Variants in PCDH9 observed in about 807,000 individuals in gnomAD.
The protein encoded by PCDH9 is protocadherin 9.
Under a neutral mutation model 70.6 loss-of-function variants are expected in PCDH9, and 24 were observed. The ratio of observed to expected loss-of-function variants is 0.34; its 90% CI spans 0.25 to 0.48. The LOEUF (loss-of-function observed/expected upper bound fraction) is 0.48. Ranked by LOEUF, PCDH9 falls within the 20% of genes least tolerant of loss-of-function variation. The pLI is 0.99. For synonymous variants in PCDH9, 562 were observed against 558.5 expected (o/e 1.01, Z -0.09); for missense variants, 1,281 against 1,503.6 (o/e 0.85, Z 2.45).
intron 4 of PCDH9, among the ~76,000 whole-genome samples, chr13:66,373,314 A>G (rs2138222188): frequency 6.6e-6 from 1 of 152,090 alleles, no homozygotes; most frequent in East Asian, 1.9e-4. Context: ...AAGTAGAATG[A>G]TGATTGCCAG....
At chr13:66,884,091 T>C (rs1310662196) in intron 3 of PCDH9, among the ~76,000 whole-genome samples, 1 of 151,414 alleles carries the variant, frequency 6.6e-6, no homozygotes, top group Admixed American at 6.6e-5. Flanking sequence ...GTAGAGATGG[T>C]TTCACTGTGT....
At chr13:66,744,963 C>T (rs569033815) in intron 3 of PCDH9, among the ~76,000 whole-genome samples, 193 of 152,244 alleles carry the variant, frequency 1.3e-3, no homozygotes, top group Non-Finnish European at 1.5e-3. Flanking sequence ...TTTGTACATT[C>T]ACCTATATGA....
rs1594141455 is a variant in PCDH9, at chr13:66,846,910, A to ACACAC, written c.3138+56593_3138+56594insGTGTG. Among the ~76,000 whole-genome samples the ACACAC allele has an allele frequency of 7.9e-5, 7 of 88,472 alleles. 1 individual carries two copies. The highest frequency in any genetic ancestry group is 8.4e-4 in the South Asian group (2 of 2,394). 58.0% of individuals were successfully genotyped at this position (88,472 alleles called of 152,430 possible). A position where few individuals can be genotyped will look rare whatever the true frequency, so the allele number is the denominator to read the frequency against. Reference sequence around the variant, plus strand: ...ACACACACACACACACACACACACAAACACACACAGAGTATATCACTAAAT... The same window carrying ACACAC: ...ACACACACACACACACACACACACAACACACACACACACAGAGTATATCACTAAAT... On this transcript the variant is annotated intron_variant, in intron 3 of 4. Transcript: ENST00000377865.
intron 2 of PCDH9, among the ~76,000 whole-genome samples, chr13:67,157,241 G>T (rs892026347): frequency 5.3e-5 from 8 of 151,864 alleles, no homozygotes; most frequent in Non-Finnish European, 1.2e-4. Flanking sequence ...TTGCCTCAAC[G>T]GTTTGCATAT....
At position 66,809,329 on chromosome 13, in the gene PCDH9, A is replaced by C. The variant is rs150472932; in HGVS notation, c.3138+94175T>G. On this transcript the variant is annotated intron_variant, in intron 3 of 4. Coordinates refer to ENST00000377865, the MANE Select transcript of PCDH9 (RefSeq NM_203487.3). Reference sequence around the variant, plus strand: ...GTATACAATATATTGAATATGTCTTACCTTTTATAGAAAATTTTGTTTAAA... The same window carrying C: ...GTATACAATATATTGAATATGTCTTCCCTTTTATAGAAAATTTTGTTTAAA... Among the ~76,000 whole-genome samples the C allele has an allele frequency of 7.9e-5, 12 of 152,312 alleles. No homozygotes were observed. In the East Asian group the frequency reaches 2.3e-3, roughly 29 times the overall value.
intron 2 of PCDH9, among the ~76,000 whole-genome samples, chr13:67,083,992 C>A (rs766203485): frequency 2.6e-5 from 4 of 152,144 alleles, no homozygotes; most frequent in Non-Finnish European, 5.9e-5. Flanking sequence ...GAGATCACCA[C>A]TCTTAGGGGA....
At chr13:66,835,984 T>C (rs2081011495) in intron 3 of PCDH9, among the ~76,000 whole-genome samples, 1 of 152,116 alleles carries the variant, frequency 6.6e-6, no homozygotes, top group African/African-American at 2.4e-5. Flanking sequence ...AACCAGCATA[T>C]CTTTTTCCAG....
intron 2 of PCDH9, among the ~76,000 whole-genome samples, chr13:67,078,936 C>G (rs1463707609): frequency 6.6e-6 from 1 of 151,984 alleles, no homozygotes; most frequent in African/African-American, 2.4e-5. Context: ...CCAGTCTGGA[C>G]CTAGTCTACA....
rs71110626 is a variant in PCDH9 at position 67,064,891 on chromosome 13, A to AATAGATAGATAG, written c.3036+160502_3036+160513dup. 4.2e-3 allele frequency among the ~76,000 whole-genome samples: 626 copies of AATAGATAGATAG among 148,960 alleles called. 3 individuals are homozygous for AATAGATAGATAG. The highest frequency in any genetic ancestry group is 6.4e-3 in the East Asian group (32 of 5,032). On this transcript the variant is annotated intron_variant, in intron 2 of 4. Transcript: ENST00000377865. The stretch of plus-strand genomic sequence containing the variant: ...ATGTGTGTGTATCTGCCTGTGTGGA[A>AATAGATAGATAG]ATAGATAGATAGATAGATAGATAGA...
At chr13:66,907,058 G>A (rs1238174755) in intron 2 of PCDH9, among the ~76,000 whole-genome samples, 1 of 152,054 alleles carries the variant, frequency 6.6e-6, no homozygotes, top group East Asian at 1.9e-4. Context: ...ATAAAAATTA[G>A]CTGGATGTGG....
At chr13:66,459,852 T>G (rs1441524555) in intron 4 of PCDH9, among the ~76,000 whole-genome samples, 2 of 151,962 alleles carry the variant, frequency 1.3e-5, no homozygotes, top group Non-Finnish European at 2.9e-5. Flanking sequence ...TTATACAGAT[T>G]ATGTAAATCA....
intron 2 of PCDH9, among the ~76,000 whole-genome samples, chr13:67,132,811 T>TTA (rs1298910385): frequency 1.3e-5 from 2 of 152,104 alleles, no homozygotes; most frequent in African/African-American, 4.8e-5. Context: ...ATACAAATTG[T>TTA]TATATCATAT....
chr13:67,158,493 G>A (rs1259893617), intron 2 of PCDH9, among the ~76,000 whole-genome samples: 3 of 152,152 alleles, frequency 2.0e-5, no homozygotes, highest in Non-Finnish European at 2.9e-5. Context: ...AAGTAATTCC[G>A]TCATGAGGGC....
intron 2 of PCDH9, among the ~76,000 whole-genome samples, chr13:66,925,644 T>C (rs2082705840): frequency 6.6e-6 from 1 of 151,962 alleles, no homozygotes; most frequent in Non-Finnish European, 1.5e-5. Context: ...ATATTGCATA[T>C]TAAATGCCTC....
intron 3 of PCDH9, among the ~76,000 whole-genome samples, chr13:66,787,617 AAAAAAAAG>A (rs893056906): frequency 2.6e-5 from 4 of 151,836 alleles, no homozygotes; most frequent in East Asian, 1.9e-4. Flanking sequence ...CTCTGTCTCA[AAAAAAAAG>A]AAAAAAAGAA....
chr13:66,671,777 A>T (rs2078178551), intron 3 of PCDH9, among the ~76,000 whole-genome samples: 1 of 152,192 alleles, frequency 6.6e-6, no homozygotes, highest in Non-Finnish European at 1.5e-5. Flanking sequence ...AGTTTTATGT[A>T]TTCAAAAATA....
At chr13:67,175,492 A>G (rs921561698) in intron 2 of PCDH9, among the ~76,000 whole-genome samples, 14 of 152,178 alleles carry the variant, frequency 9.2e-5, no homozygotes, top group African/African-American at 3.4e-4. Flanking sequence ...AATAGACAGC[A>G]GGTCTATACC....
chr13:66,561,855 G>A (rs532021575), intron 4 of PCDH9, among the ~76,000 whole-genome samples: 2 of 152,154 alleles, frequency 1.3e-5, no homozygotes, highest in South Asian at 2.1e-4. Flanking sequence ...AGTCAGCAGT[G>A]GCAACCCGCT....
intron 3 of PCDH9, among the ~76,000 whole-genome samples, chr13:66,826,881 TC>T (rs899892019): frequency 6.6e-6 from 1 of 152,158 alleles, no homozygotes; most frequent in Non-Finnish European, 1.5e-5. Flanking sequence ...AGCTTTGGTT[TC>T]AGCAGAGCAA....
Sources: allele counts gnomAD v4.1 joint callset (sites outside exome capture counted in the v4.1 genomes callset), GRCh38; gene constraint gnomAD v4.1.1; transcripts MANE v1.5; gene names NCBI Gene and HGNC (gene_info 2026-07-23, HGNC 2026-07-21).